The following COL25A1 variants were observed in gnomAD, a reference collection of about 807,000 sequenced individuals.
The protein encoded by COL25A1 is collagen alpha-1(XXV) chain.
In COL25A1, 103 loss-of-function variants were observed where a neutral mutation model predicts 128.4. The ratio of observed to expected loss-of-function variants is 0.80; its 90% CI spans 0.68 to 0.94. COL25A1 has a LOEUF of 0.94. Among genes scored for constraint, COL25A1 ranks in the 40% least tolerant of loss-of-function variants. The pLI, the probability that COL25A1 is intolerant of heterozygous loss-of-function variation, is 0.00. For synonymous variants in COL25A1, 279 were observed against 277.2 expected (o/e 1.01, Z -0.06); for missense variants, 745 against 840.0 (o/e 0.89, Z 1.40).
chr4:109,132,174 T>C (rs1769274086), intron 3 of COL25A1, among the ~76,000 whole-genome samples: 1 of 152,294 alleles, frequency 6.6e-6, no homozygotes, highest in African/African-American at 2.4e-5. Context: ...CAAAGCCTCA[T>C]GGAGGAAAAG....
At chr4:109,296,488 A>G (rs1025309278) in intron 3 of COL25A1, among the ~76,000 whole-genome samples, 14 of 152,176 alleles carry the variant, frequency 9.2e-5, no homozygotes, top group African/African-American at 2.4e-4. Flanking sequence ...GAGGGAAGAT[A>G]CCAAGTCTGC....
At chr4:108,886,442 TTGTG>T (rs375825376) in intron 18 of COL25A1, among the ~76,000 whole-genome samples, 10,554 of 81,246 alleles carry the variant, frequency 0.13, 623 homozygotes, top group African/African-American at 0.22. Context: ...CTATGAGATT[TTGTG>T]TGTGTGTGTG....
At chr4:109,292,988 T>A (rs1168304522) in intron 3 of COL25A1, among the ~76,000 whole-genome samples, 1 of 152,046 alleles carries the variant, frequency 6.6e-6, no homozygotes. Flanking sequence ...GGAAATCACT[T>A]TCATCTTATG....
intron 5 of COL25A1, among the ~76,000 whole-genome samples, chr4:109,014,211 G>A (rs1756988378): frequency 6.6e-6 from 1 of 152,108 alleles, no homozygotes; most frequent in Non-Finnish European, 1.5e-5. Context: ...GGAGGCTGAG[G>A]TGAGAGAATC....
At chr4:109,225,370 T>A (rs1203270969) in intron 3 of COL25A1, among the ~76,000 whole-genome samples, 1 of 152,112 alleles carries the variant, frequency 6.6e-6, no homozygotes, top group African/African-American at 2.4e-5. Flanking sequence ...ACATCACTGA[T>A]CATCAGAGAA....
At chr4:109,163,451 C>T (rs2526438) in intron 3 of COL25A1, among the ~76,000 whole-genome samples, 100,354 of 151,994 alleles carry the variant, frequency 0.66, 33,418 homozygotes, top group East Asian at 0.75. Context: ...CAAGGTGGGA[C>T]ATGAAGGAAC....
chr4:108,973,302 C>T (rs1448487876), intron 8 of COL25A1, among the ~76,000 whole-genome samples: 1 of 152,098 alleles, frequency 6.6e-6, no homozygotes, highest in Non-Finnish European at 1.5e-5. Flanking sequence ...GAGTAACTGC[C>T]ACGAGAAACA....
At chr4:108,891,284 T>C (rs1238567856) in intron 16 of COL25A1, among the ~76,000 whole-genome samples, 1 of 152,220 alleles carries the variant, frequency 6.6e-6, no homozygotes, top group African/African-American at 2.4e-5. Flanking sequence ...TGAGTTTCTT[T>C]GACATCTATA....
chr4:108,924,009 A>C (rs1192141949), intron 11 of COL25A1, among the ~76,000 whole-genome samples: 3 of 152,184 alleles, frequency 2.0e-5, no homozygotes. Flanking sequence ...AAGATTAAAA[A>C]CTGTAACATA....
chr4:109,007,707 G>A (rs1756165737), intron 6 of COL25A1, among the ~76,000 whole-genome samples: 1 of 152,154 alleles, frequency 6.6e-6, no homozygotes, highest in African/African-American at 2.4e-5. Flanking sequence ...GCTGGTCCCA[G>A]CCTCCTTGCA....
chr4:109,218,031 T>A (rs1778131567), intron 3 of COL25A1, among the ~76,000 whole-genome samples: 1 of 152,092 alleles, frequency 6.6e-6, no homozygotes, highest in African/African-American at 2.4e-5. Flanking sequence ...GCGATCTGGC[T>A]CCAGAGCCTA....
chr4:109,105,707 T>A (rs1766364821), intron 3 of COL25A1, among the ~76,000 whole-genome samples: 1 of 151,964 alleles, frequency 6.6e-6, no homozygotes. Context: ...TTTTAAAGAG[T>A]GTAAAATGAC....
chr4:109,017,419 T>G (rs1757322393), intron 5 of COL25A1, among the ~76,000 whole-genome samples: 1 of 152,222 alleles, frequency 6.6e-6, no homozygotes, highest in Non-Finnish European at 1.5e-5. Flanking sequence ...AAGGTGCCAC[T>G]GGCCACAAAG....
At chr4:108,980,298 T>C (rs535438763) in intron 6 of COL25A1, among the ~76,000 whole-genome samples, 6 of 152,288 alleles carry the variant, frequency 3.9e-5, no homozygotes, top group Non-Finnish European at 7.4e-5. Flanking sequence ...GGGAGAGGTC[T>C]AGATTCAGGA....
chr4:109,137,982 A>ATGTGTGTGTGTGTGTGTG (rs1418865784), intron 3 of COL25A1, among the ~76,000 whole-genome samples: 15 of 60,842 alleles, frequency 2.5e-4, no homozygotes, highest in Admixed American at 1.7e-3. Flanking sequence ...TTTTATATAT[A>ATGTGTGTGTGTGTGTGTG]TATGTGTGTG....
At chr4:109,059,419 C>G (rs1761741170) in intron 3 of COL25A1, among the ~76,000 whole-genome samples, 1 of 152,188 alleles carries the variant, frequency 6.6e-6, no homozygotes, top group Non-Finnish European at 1.5e-5. Flanking sequence ...GACACAAAAA[C>G]ACACAACTGC....
chr4:108,905,853 G>GC (rs1396930296), intron 13 of COL25A1, among the ~76,000 whole-genome samples: 2 of 151,580 alleles, frequency 1.3e-5, no homozygotes, highest in East Asian at 2.0e-4. Flanking sequence ...AGTATGTCGG[G>GC]GGGGGGTGCG....
In COL25A1 at chr4:108,974,521, G is replaced by T. The variant is rs747077410; in HGVS notation, c.465+12C>A. 1 of 1,610,216 alleles carries T rather than the reference G, an allele frequency of 6.2e-7. No homozygotes were observed. The highest frequency in any genetic ancestry group is 8.5e-7 in the Non-Finnish European group (1 of 1,178,206). ...TCTTCACTAACTTTATTTCTGGTAT[G>T]CATTTTCTTACCTTATCGCCTTTTG... On this transcript the variant is annotated intron_variant, in intron 7 of 37. Coordinates refer to ENST00000399132, the MANE Select transcript of COL25A1 (RefSeq NM_198721.4).
chr4:108,987,740 C>CA (rs561677797), intron 6 of COL25A1, among the ~76,000 whole-genome samples: 11 of 152,024 alleles, frequency 7.2e-5, no homozygotes, highest in African/African-American at 1.7e-4. Flanking sequence ...AAAACAAAAA[C>CA]AAAAAAAAAC....
Sources: allele counts gnomAD v4.1 joint callset (sites outside exome capture counted in the v4.1 genomes callset), GRCh38; gene constraint gnomAD v4.1.1; transcripts MANE v1.5; gene names NCBI Gene and HGNC (gene_info 2026-07-23, HGNC 2026-07-21).